HPSE2: variants seen among roughly 807,000 people sequenced by gnomAD.
The protein encoded by HPSE2 is inactive heparanase-2.
Under a neutral mutation model 60.5 loss-of-function variants are expected in HPSE2, and 38 were observed. The observed-to-expected ratio is 0.63, with a 90% CI of 0.48 to 0.82. HPSE2 has a LOEUF of 0.82. HPSE2 is among the 40% of genes least tolerant of loss of function. The pLI, the probability that HPSE2 is intolerant of heterozygous loss-of-function variation, is 0.00. For synonymous variants in HPSE2, 295 were observed against 293.2 expected (o/e 1.01, Z -0.06); for missense variants, 713 against 740.4 (o/e 0.96, Z 0.43).
chr10:99,076,665 G>A (rs761473436), intron 3 of HPSE2, among the ~76,000 whole-genome samples: 4 of 152,168 alleles, frequency 2.6e-5, no homozygotes, highest in Non-Finnish European at 5.9e-5. Context: ...TGGGATTACA[G>A]GTGTGAGCCT....
chr10:99,134,663 T>A (rs2135748903), intron 3 of HPSE2, among the ~76,000 whole-genome samples: 1 of 152,238 alleles, frequency 6.6e-6, no homozygotes, highest in African/African-American at 2.4e-5. Context: ...TACAGACAAG[T>A]AAATGATGAG....
At chr10:98,960,741 T>TTTTTA (rs1955651466) in intron 3 of HPSE2, among the ~76,000 whole-genome samples, 1 of 15,238 alleles carries the variant, frequency 6.6e-5, no homozygotes, top group Admixed American at 6.0e-4. Flanking sequence ...TTTTATTTTA[T>TTTTTA]TTTTTTTTTT....
chr10:99,163,282 C>T (rs1846921560), intron 2 of HPSE2, among the ~76,000 whole-genome samples: 1 of 151,938 alleles, frequency 6.6e-6, no homozygotes, highest in African/African-American at 2.4e-5. Context: ...ACAAAAAATG[C>T]CCATCCACAT....
intron 9 of HPSE2, among the ~76,000 whole-genome samples, chr10:98,558,088 C>T (rs1364422176): frequency 6.6e-6 from 1 of 152,046 alleles, no homozygotes; most frequent in African/African-American, 2.4e-5. Flanking sequence ...ACAAAATCAA[C>T]ACCACTACAT....
At chr10:99,306,673 T>C in the HPSE2 span, among the ~76,000 whole-genome samples, 1 of 152,158 alleles carries the variant, frequency 6.6e-6, no homozygotes, top group African/African-American at 2.4e-5. Context: ...ACAATGATCA[T>C]CGCCATGGGG....
At chr10:99,108,131 C>T (rs968720806) in intron 3 of HPSE2, among the ~76,000 whole-genome samples, 1 of 152,020 alleles carries the variant, frequency 6.6e-6, no homozygotes, top group African/African-American at 2.4e-5. Flanking sequence ...TTCAGAGCGC[C>T]TGGAAAGCAA....
At chr10:98,807,524 A>T (rs1252350708) in intron 3 of HPSE2, among the ~76,000 whole-genome samples, 1 of 152,234 alleles carries the variant, frequency 6.6e-6, no homozygotes, top group Non-Finnish European at 1.5e-5. Context: ...CTGTAACATC[A>T]TATAGCTAGT....
chr10:98,807,066 C>T (rs1157121427), intron 3 of HPSE2, among the ~76,000 whole-genome samples: 10 of 152,102 alleles, frequency 6.6e-5, no homozygotes, highest in Non-Finnish European at 1.5e-5. Context: ...TTGCTTGAAC[C>T]CAGGAGGTGG....
chr10:98,547,552 A>C (rs1943725006), intron 9 of HPSE2, among the ~76,000 whole-genome samples: 1 of 146,824 alleles, frequency 6.8e-6, no homozygotes, highest in Non-Finnish European at 1.5e-5. Context: ...AACTATCGCA[A>C]GGACAAAAAA....
chr10:98,756,755 A>G (rs1012181020), intron 3 of HPSE2, among the ~76,000 whole-genome samples: 2 of 152,160 alleles, frequency 1.3e-5, no homozygotes, highest in South Asian at 4.1e-4. Context: ...CATATAAAGA[A>G]GAGTTGGTAC....
chr10:99,113,551 T>C (rs1844557152), intron 3 of HPSE2, among the ~76,000 whole-genome samples: 1 of 152,196 alleles, frequency 6.6e-6, no homozygotes, highest in African/African-American at 2.4e-5. Context: ...AACAGAATTT[T>C]AAATTAATCA....
chr10:98,915,737 GAA>G (rs1954102709), intron 3 of HPSE2, among the ~76,000 whole-genome samples: 1 of 152,104 alleles, frequency 6.6e-6, no homozygotes, highest in South Asian at 2.1e-4. Flanking sequence ...TGAATGAGAA[GAA>G]AAATAAAGAG....
chr10:99,296,057 G>T, the HPSE2 span, among the ~76,000 whole-genome samples: 1 of 152,286 alleles, frequency 6.6e-6, no homozygotes, highest in Non-Finnish European at 1.5e-5. Context: ...AGTATTGTCT[G>T]TTTAATCACT....
intron 2 of HPSE2, among the ~76,000 whole-genome samples, chr10:99,170,682 C>T (rs1176526829): frequency 6.6e-6 from 1 of 152,150 alleles, no homozygotes; most frequent in African/African-American, 2.4e-5. Flanking sequence ...CAGAATGTAT[C>T]AAATCTATTT....
Position 98,459,309 on chromosome 10 carries a change from G to A in HPSE2, c.*265C>T, listed in dbSNP as rs112735875. Reference sequence around the variant, plus strand: ...GCTCGTTTTCATAGTGCACATGAAGGGAAACATTCTGCTCTATACACATGC... The same window carrying A: ...GCTCGTTTTCATAGTGCACATGAAGAGAAACATTCTGCTCTATACACATGC... On this transcript the variant is annotated 3_prime_UTR_variant, in exon 12 of 12. Coordinates refer to ENST00000370552, the MANE Select transcript of HPSE2 (RefSeq NM_021828.5). The A allele has an allele frequency of 0.017, 8,158 of 492,976 alleles. 103 individuals are homozygous for A. Among genetic ancestry groups the A allele is most frequent in the Non-Finnish European group, 0.023 (6,288 of 269,056 alleles). 30.5% of individuals were successfully genotyped at this position (492,976 alleles called of 1,614,324 possible). A position where few individuals can be genotyped will look rare whatever the true frequency, so the allele number is the denominator to read the frequency against.
intron 3 of HPSE2, among the ~76,000 whole-genome samples, chr10:98,859,497 G>A (rs1191795508): frequency 6.6e-6 from 1 of 152,146 alleles, no homozygotes; most frequent in Non-Finnish European, 1.5e-5. Context: ...TCCTTTGAGA[G>A]CCCAAATAGT....
At chr10:98,947,448 T>C (rs1177512951) in intron 3 of HPSE2, among the ~76,000 whole-genome samples, 2 of 152,172 alleles carry the variant, frequency 1.3e-5, no homozygotes, top group Non-Finnish European at 2.9e-5. Flanking sequence ...GAAGGAGATG[T>C]GGCTTTTAAA....
intron 3 of HPSE2, among the ~76,000 whole-genome samples, chr10:98,848,408 ACT>A (rs1952084415): frequency 6.6e-6 from 1 of 150,794 alleles, no homozygotes; most frequent in African/African-American, 2.4e-5. Flanking sequence ...ACAGATTGAG[ACT>A]CTGTCTAAAA....
At chr10:98,767,336 A>C (rs1326171625) in intron 3 of HPSE2, among the ~76,000 whole-genome samples, 1 of 152,048 alleles carries the variant, frequency 6.6e-6, no homozygotes. Context: ...TATTAACAGA[A>C]ATAAATCTCA....
Sources: allele counts gnomAD v4.1 joint callset (sites outside exome capture counted in the v4.1 genomes callset), GRCh38; gene constraint gnomAD v4.1.1; transcripts MANE v1.5; gene names NCBI Gene and HGNC (gene_info 2026-07-23, HGNC 2026-07-21).